The following GLS variants were observed in gnomAD, a reference collection of about 807,000 sequenced individuals.
GLS encodes the protein glutaminase.
A neutral mutation model predicts 86.7 loss-of-function variants in GLS; 36 were observed. That is an observed-to-expected ratio of 0.42 (90% CI 0.32 to 0.55). The LOEUF (loss-of-function observed/expected upper bound fraction) is 0.55, where lower values mean the gene tolerates loss of function less well. Ranked by LOEUF, GLS falls within the 20% of genes least tolerant of loss-of-function variation. GLS has a pLI of 0.17. For synonymous variants in GLS, 317 were observed against 305.9 expected (o/e 1.04, Z -0.38); for missense variants, 528 against 833.4 (o/e 0.63, Z 4.51).
chr2:190,881,618 A>C (rs1574551196), intron 1 of GLS, 148 bp downstream of exon 1: 1 of 750,358 alleles, frequency 1.3e-6, no homozygotes, highest in Admixed American at 3.4e-5. Flanking sequence ...CGTCTGCGCC[A>C]TGTGATTAGG....
rs1034776282 is a variant in GLS, at chr2:190,898,233, A to T, written c.606-2331A>T. On this transcript the variant is annotated intron_variant, in intron 3 of 17. Transcript: ENST00000320717. ...TATGTTATTTTACAAATGAAAAATT[A>T]TTTGTGAGAAATGTTTTGTCAATCA... 2.0e-5 allele frequency among the ~76,000 whole-genome samples: 3 copies of T among 152,208 alleles called. 1 individual carries two copies. The highest frequency in any genetic ancestry group is 6.5e-5 in the Admixed American group (1 of 15,288).
Position 190,905,402 on chromosome 2 carries a change from G to A in GLS, c.979+235G>A. Reference sequence around the variant, plus strand: ...TTCTCTCTTCATAACCACCTTTAGGGAAATATAGCGAAATCTCAAAATACA... The same window carrying A: ...TTCTCTCTTCATAACCACCTTTAGGAAAATATAGCGAAATCTCAAAATACA... On this transcript the variant is annotated intron_variant, in intron 6 of 17. Coordinates refer to ENST00000320717, the MANE Select transcript of GLS (RefSeq NM_014905.5). This position sits in a 1 kb window ranked among gnomAD's most constrained non-coding sequence, Gnocchi z 4.6. 1 of 371,680 alleles carries A rather than the reference G, an allele frequency of 2.7e-6. No individual in the cohort carries two copies. The highest frequency in any genetic ancestry group is 5.0e-5 in the East Asian group (1 of 19,802). 23.0% of individuals were successfully genotyped at this position (371,680 alleles called of 1,614,324 possible).
rs777368015 is a variant in GLS, at chr2:190,897,342, T to C, written c.605+1617T>C. On this transcript the variant is annotated intron_variant, in intron 3 of 17. Transcript: ENST00000320717. The surrounding 1 kb of genome is among the most constrained non-coding windows in gnomAD (Gnocchi z 4.3). ...TTTATGTTTTGTAAACATGTTGTTA[T>C]GTTTAAATATGAAATTAAAAACAAT... Among the ~76,000 whole-genome samples, 8 of 152,240 alleles carry C rather than the reference T, an allele frequency of 5.3e-5. No individual in the cohort carries two copies. Among genetic ancestry groups the C allele is most frequent in the Non-Finnish European group, 1.2e-4 (8 of 68,034 alleles).
chr2:190,905,016 A>C lies in GLS; in HGVS notation c.828A>C (p.Gly276=). The C allele has an allele frequency of 6.3e-7, 1 of 1,585,940 alleles. No individual in the cohort carries two copies. Among genetic ancestry groups the C allele is most frequent in the Non-Finnish European group, 8.7e-7 (1 of 1,155,900 alleles). ...CTVDGQRHST[G]DTKVPFCLQS... ...TCCTTTTAAATAGGCATTCTACTGG[A>C]GATACCAAAGTTCCCTTCTGTCTTC... The change falls in exon 6 of 18, where the codon GGA becomes GGC. Residue 276 remains glycine (G), a synonymous_variant. Coordinates refer to ENST00000320717, the MANE Select transcript of GLS (RefSeq NM_014905.5). The surrounding 1 kb of genome is among the most constrained non-coding windows in gnomAD (Gnocchi z 4.6).
intron 12 of GLS, among the ~76,000 whole-genome samples, chr2:190,928,691 T>C (rs1689985023): frequency 6.8e-6 from 1 of 147,310 alleles, no homozygotes. Flanking sequence ...GCATACATTA[T>C]GATTGGGTTT....
rs878938762 is a variant in GLS at position 190,924,122 on chromosome 2, G to A, written c.1197+139G>A. ...GTGCAGAAGTTTTTGCAGAGTGCTC[G>A]TGAGTCAGTGTTATCAAATTGTTAA... On this transcript the variant is annotated intron_variant, in intron 10 of 17. Coordinates refer to ENST00000320717, the MANE Select transcript of GLS (RefSeq NM_014905.5). The surrounding 1 kb of genome is among the most constrained non-coding windows in gnomAD (Gnocchi z 5.2). 2 of 591,352 alleles carry A rather than the reference G, an allele frequency of 3.4e-6. No homozygotes were observed. Among genetic ancestry groups the A allele is most frequent in the East Asian group, 2.9e-5 (1 of 34,144 alleles). The allele number at this position is 591,352 out of a possible 1,614,324, so 36.6% of individuals were successfully genotyped here.
At chr2:190,961,925 GAAGA>G (rs1228095186) in intron 17 of GLS, among the ~76,000 whole-genome samples, 3 of 152,214 alleles carry the variant, frequency 2.0e-5, no homozygotes, top group East Asian at 3.8e-4. Flanking sequence ...GCACATGGAT[GAAGA>G]AAGAGAGATC....
In GLS at chr2:190,954,858, A is replaced by G; in HGVS notation, c.1853+40A>G. The G allele has an allele frequency of 7.8e-7, 1 of 1,277,362 alleles. No homozygotes were observed. Among genetic ancestry groups the G allele is most frequent in the Non-Finnish European group, 1.1e-6 (1 of 893,768 alleles). 79.1% of individuals were successfully genotyped at this position (1,277,362 alleles called of 1,614,324 possible). A position where few individuals can be genotyped will look rare whatever the true frequency, so the allele number is the denominator to read the frequency against. ...TACCTTCTAAATATGTCAGTATTTT[A>G]TTATGCAGGACTGTAATATTCAAGT... On this transcript the variant is annotated intron_variant, in intron 17 of 17. Coordinates refer to ENST00000320717, the MANE Select transcript of GLS (RefSeq NM_014905.5). The surrounding 1 kb of genome is among the most constrained non-coding windows in gnomAD (Gnocchi z 4.0).
chr2:190,917,381 T>G (rs968883556), intron 7 of GLS, among the ~76,000 whole-genome samples: 4 of 152,196 alleles, frequency 2.6e-5, no homozygotes, highest in African/African-American at 9.7e-5. Flanking sequence ...TTAATTCTAG[T>G]TCTCTTGATA....
At chr2:190,891,982 C>G (rs1471966581) in intron 1 of GLS, among the ~76,000 whole-genome samples, 1 of 151,966 alleles carries the variant, frequency 6.6e-6, no homozygotes, top group Non-Finnish European at 1.5e-5. Flanking sequence ...CAGATTCCAC[C>G]TCATCTAAAA....
At chr2:190,928,105 T>C (rs1340021142) in intron 12 of GLS, among the ~76,000 whole-genome samples, 1 of 152,122 alleles carries the variant, frequency 6.6e-6, no homozygotes. Context: ...AATACATTAC[T>C]AATCTTGTTT....
intron 7 of GLS, among the ~76,000 whole-genome samples, chr2:190,915,136 G>A (rs945183892): frequency 1.2e-4 from 18 of 149,422 alleles, no homozygotes; most frequent in African/African-American, 4.2e-4. Flanking sequence ...GACTACAGGC[G>A]CCCGCCACTG....
intron 13 of GLS, among the ~76,000 whole-genome samples, chr2:190,931,337 C>G (rs1690099616): frequency 6.6e-6 from 1 of 152,074 alleles, no homozygotes; most frequent in Non-Finnish European, 1.5e-5. Context: ...TGGCTGAGCC[C>G]TAGGATCATG....
At chr2:190,910,211 T>C (rs1689308812) in intron 6 of GLS, 52 bp from the exon 7 acceptor site, 2 of 1,044,352 alleles carry the variant, frequency 1.9e-6, no homozygotes, top group Non-Finnish European at 2.9e-6. Context: ...ATAGTAATAT[T>C]ACTCAAGTGT....
intron 7 of GLS, chr2:190,919,815 A>G (rs1689677372): frequency 9.7e-6 from 3 of 309,928 alleles, no homozygotes; most frequent in Non-Finnish European, 1.4e-5. Flanking sequence ...AGTGATTACA[A>G]TATGGCTGTA....
At chr2:190,950,319 G>T (rs1440688006) in intron 14 of GLS, among the ~76,000 whole-genome samples, 2 of 152,126 alleles carry the variant, frequency 1.3e-5, no homozygotes. Flanking sequence ...TAGATATGAT[G>T]GAAAGGCACG....
chr2:190,902,809 TAA>T (rs1688990655), intron 5 of GLS, among the ~76,000 whole-genome samples: 1 of 152,328 alleles, frequency 6.6e-6, no homozygotes, highest in African/African-American at 2.4e-5. Flanking sequence ...CACTCATTTT[TAA>T]AGACTTAGCT....
At chr2:190,885,629 A>G (rs1262299901) in intron 1 of GLS, among the ~76,000 whole-genome samples, 13 of 152,206 alleles carry the variant, frequency 8.5e-5, no homozygotes, top group Admixed American at 8.5e-4. Context: ...TGAATGACAA[A>G]ACCTCTGTTA....
intron 14 of GLS, among the ~76,000 whole-genome samples, chr2:190,941,615 G>A (rs1160038369): frequency 1.3e-5 from 2 of 152,112 alleles, no homozygotes; most frequent in African/African-American, 4.8e-5. Flanking sequence ...TCACTGGAAG[G>A]TAATACAGTG....
Sources: gnomAD v4.1 joint callset for allele counts (sites outside exome capture counted in the v4.1 genomes callset) on GRCh38, gnomAD v4.1.1 for gene constraint, Gnocchi (gnomAD v3.1) non-coding constraint, MANE v1.5 for transcripts, NCBI Gene and HGNC (gene_info 2026-07-23, HGNC 2026-07-21) for gene names.